The following POLR1A variants were observed in gnomAD, a reference collection of about 807,000 sequenced individuals.
POLR1A encodes the protein RNA polymerase I subunit A.
In POLR1A, 84 loss-of-function variants were observed where a neutral mutation model predicts 205.3. The ratio of observed to expected loss-of-function variants is 0.41; its 90% CI spans 0.34 to 0.49. POLR1A has a LOEUF of 0.49. Among genes scored for constraint, POLR1A ranks in the 20% least tolerant of loss-of-function variants. POLR1A has a pLI of 0.22. For synonymous variants in POLR1A, 799 were observed against 863.7 expected (o/e 0.93, Z 1.31); for missense variants, 1,645 against 2,204.5 (o/e 0.75, Z 5.08).
At chr2:86,094,564 G>C (rs1196906920) in intron 3 of POLR1A, among the ~76,000 whole-genome samples, 5 of 152,206 alleles carry the variant, frequency 3.3e-5, no homozygotes, top group Admixed American at 3.3e-4. Flanking sequence ...AACAAGAAGG[G>C]GGTGCTAGGT....
chr2:86,041,743 C>G (rs779516087), intron 24 of POLR1A, 146 bp downstream of exon 24: 11 of 685,706 alleles, frequency 1.6e-5, no homozygotes, highest in Non-Finnish European at 2.8e-5. Flanking sequence ...GTGCGTTGCC[C>G]CTGGCTGTCT....
chr2:86,043,285 T>C, intron 22 of POLR1A, 90 bp from the exon 23 acceptor site: 1 of 1,066,630 alleles, frequency 9.4e-7, no homozygotes, highest in Non-Finnish European at 1.4e-6. Context: ...GGAGCACAAA[T>C]TCAGGGGACC....
At chr2:86,054,401 C>G in intron 14 of POLR1A, 112 bp from the exon 15 acceptor site, 1 of 984,760 alleles carries the variant, frequency 1.0e-6, no homozygotes, top group Non-Finnish European at 1.5e-6. Context: ...ACCTCCTGCC[C>G]TTGCAATGCC....
At chr2:86,085,277 CT>C (rs1387619839) in intron 6 of POLR1A, among the ~76,000 whole-genome samples, 1 of 152,140 alleles carries the variant, frequency 6.6e-6, no homozygotes, top group Non-Finnish European at 1.5e-5. Flanking sequence ...CAGTTATACA[CT>C]ATTCAAACAA....
At chr2:86,084,086 G>A (rs1673451995) in intron 6 of POLR1A, among the ~76,000 whole-genome samples, 2 of 152,148 alleles carry the variant, frequency 1.3e-5, no homozygotes, top group Admixed American at 1.3e-4. Flanking sequence ...GCCAACACAG[G>A]GAAACCGTGT....
intron 7 of POLR1A, among the ~76,000 whole-genome samples, chr2:86,082,416 C>A (rs968554581): frequency 9.9e-5 from 15 of 152,074 alleles, no homozygotes; most frequent in Non-Finnish European, 8.8e-5. Context: ...ACAGTTACTG[C>A]CAAGAAAGGA....
At chr2:86,053,884 G>C (rs1672850568) in intron 15 of POLR1A, among the ~76,000 whole-genome samples, 1 of 152,188 alleles carries the variant, frequency 6.6e-6, no homozygotes, top group Non-Finnish European at 1.5e-5. Flanking sequence ...GCCAAGCTTT[G>C]CATAATCAAT....
At position 86,027,520 on chromosome 2, in the gene POLR1A, G is replaced by T; in HGVS notation, c.5066C>A (p.Ser1689Tyr). The T allele has an allele frequency of 1.2e-6, 2 of 1,613,540 alleles. No individual in the cohort carries two copies. Among genetic ancestry groups the T allele is most frequent in the South Asian group, 1.1e-5 (1 of 91,070 alleles). The change falls in exon 34 of 34, where the codon TCC becomes TAC. Residue 1689 changes from serine (S) to tyrosine (Y), a missense_variant. Around this residue, in one of 16 missense-constraint regions of POLR1A, gnomAD observed 86 missense variants for 149.8 expected, o/e 0.57. Transcript: ENST00000263857. Reference protein sequence around the residue: ...QFLKQATMLGSHDELRSPSAC... With the variant: ...QFLKQATMLGYHDELRSPSAC... Reference sequence around the variant, plus strand: ...AGAAGGAGACCTCAGCTCATCGTGGGATCCTGACAGAGACACAAAAACATG... The same window carrying T: ...AGAAGGAGACCTCAGCTCATCGTGGTATCCTGACAGAGACACAAAAACATG...
intron 13 of POLR1A, among the ~76,000 whole-genome samples, chr2:86,068,315 C>T (rs1673116571): frequency 6.7e-6 from 1 of 150,110 alleles, no homozygotes; most frequent in African/African-American, 2.5e-5. Flanking sequence ...CACTTCCTGT[C>T]ACCTGCCTTC....
chr2:86,084,395 T>C (rs780154271), intron 6 of POLR1A, among the ~76,000 whole-genome samples: 2 of 151,240 alleles, frequency 1.3e-5, no homozygotes, highest in African/African-American at 2.4e-5. Context: ...CCAGCCTGGA[T>C]GACAAAGTGA....
At position 86,052,930 on chromosome 2, in the gene POLR1A, C is replaced by T; in HGVS notation, c.2279G>A (p.Gly760Asp). Residue 760 changes from glycine to aspartate, a missense_variant, in exon 16 of 34, where the codon GGC becomes GAC. Physicochemically the swap from Gly to Asp is moderately conservative, Grantham distance 94 (BLOSUM62 -1). Around this residue, in one of 16 missense-constraint regions of POLR1A, gnomAD observed 339 missense variants for 415.1 expected, o/e 0.82. Transcript: ENST00000263857. ...GATCTCATAGCAGCAGTGGACCAGG[C>T]CGTAGGCGGAGCTCCCATAGTGCGC... ...DKAHYGSSAY[G>D]LVHCCYEIYG... 6.2e-7 allele frequency: 1 copy of T among 1,609,292 alleles called. No homozygotes were observed. The highest frequency in any genetic ancestry group is 8.5e-7 in the Non-Finnish European group (1 of 1,177,636).
Position 86,105,770 on chromosome 2 carries a change from T to G in POLR1A, c.7A>C (p.Ile3Leu), listed in dbSNP as rs2104442533. 1.9e-6 allele frequency: 3 copies of G among 1,613,680 alleles called. No homozygotes were observed. In the East Asian group the frequency reaches 6.7e-5, roughly 36 times the overall value. Residue 3 changes from isoleucine (I) to leucine (L), a missense_variant, in exon 1 of 34, where the codon ATC (isoleucine) becomes CTC (leucine). By Grantham distance (5) the Ile-to-Leu change is conservative. Coordinates refer to ENST00000263857, the MANE Select transcript of POLR1A (RefSeq NM_015425.6). The part of the protein sequence containing the change: ML[I>L]SKNMPWRRLQ... ...CGCCGCCAGGGCATGTTCTTGGAGA[T>G]CAACATCCTCCAGGTCCGTTTTGAA... is the stretch of plus-strand genomic sequence containing the variant.
chr2:86,083,184 A>T lies in POLR1A; in HGVS notation c.731-16T>A. 6.4e-7 allele frequency: 1 copy of T among 1,573,886 alleles called. No homozygotes were observed. The highest frequency in any genetic ancestry group is 1.1e-5 in the South Asian group (1 of 90,260). On this transcript the variant is annotated splice_polypyrimidine_tract_variant and intron_variant, in intron 6 of 33. Transcript: ENST00000263857. ...TCCTCAATTCCTGGAGCCAAGGAGGAGAATCAAAGTGCAATAAATCAGAAA... is the reference window on the plus strand; with the variant it reads ...TCCTCAATTCCTGGAGCCAAGGAGGTGAATCAAAGTGCAATAAATCAGAAA...
rs756665914 is a variant in POLR1A at position 86,080,907 on chromosome 2, A to G, written c.995T>C (p.Met332Thr). The change falls in exon 9 of 34, where the codon ATG (methionine) becomes ACG (threonine). Residue 332 changes from methionine (M) to threonine (T), a missense_variant. This residue lies in a region of POLR1A where 78 missense variants were observed against 77.7 expected (regional missense o/e 1.00). Transcript: ENST00000263857. ...TTTTCGAATCAGAACTACATCCTTC[A>G]TGACAGCCTGCAAGTTCACCGTCTG... is the stretch of plus-strand genomic sequence containing the variant. ...NGQTVNLQAV[M>T]KDVVLIRKLL... is the part of the protein sequence containing the mutation. 6.2e-7 allele frequency: 1 copy of G among 1,613,998 alleles called. No homozygotes were observed. Among genetic ancestry groups the G allele is most frequent in the African/African-American group, 1.3e-5 (1 of 74,932 alleles).
At chr2:86,083,834 G>A (rs1160451322) in intron 6 of POLR1A, among the ~76,000 whole-genome samples, 2 of 152,192 alleles carry the variant, frequency 1.3e-5, no homozygotes, top group Non-Finnish European at 2.9e-5. Context: ...ATACTGGTGT[G>A]TGAGGAATAG....
At chr2:86,089,295 C>T (rs1673560885) in intron 4 of POLR1A, among the ~76,000 whole-genome samples, 1 of 152,224 alleles carries the variant, frequency 6.6e-6, no homozygotes, top group African/African-American at 2.4e-5. Flanking sequence ...TGGCTCTGCA[C>T]CTGGCAGCAG....
chr2:86,030,440 T>A (rs1396802783), intron 30 of POLR1A, 44 bp from the exon 31 acceptor site: 1 of 1,407,748 alleles, frequency 7.1e-7, no homozygotes, highest in Admixed American at 1.7e-5. Context: ...GCTACTCCAG[T>A]CCCCACAAAG....
intron 14 of POLR1A, among the ~76,000 whole-genome samples, chr2:86,055,903 T>C (rs1405064667): frequency 6.6e-6 from 1 of 152,172 alleles, no homozygotes; most frequent in East Asian, 1.9e-4. Context: ...GCCATTTCTA[T>C]TCAACAATGT....
intron 14 of POLR1A, among the ~76,000 whole-genome samples, chr2:86,055,455 C>A (rs191456088): frequency 6.6e-6 from 1 of 152,138 alleles, no homozygotes; most frequent in Non-Finnish European, 1.5e-5. Context: ...AGGTTATGAC[C>A]CACACTCTCC....
Sources: allele counts gnomAD v4.1 joint callset (sites outside exome capture counted in the v4.1 genomes callset), GRCh38; gene constraint gnomAD v4.1.1; regional missense constraint gnomAD v4.1.1; transcripts MANE v1.5; gene names NCBI Gene and HGNC (gene_info 2026-07-23, HGNC 2026-07-21).